TRARG1: variants seen among roughly 807,000 people sequenced by gnomAD.
The protein encoded by TRARG1 is trafficking regulator of GLUT4 (SLC2A4) 1 (gene/pseudogene), also known as trafficking regulator of GLUT4 1.
TRARG1 carries 16 observed loss-of-function variants against 13.3 expected under a neutral mutation model. That is an observed-to-expected ratio of 1.20 (90% confidence interval 0.81 to 1.83). TRARG1 has a LOEUF of 1.83. Ranked by LOEUF, TRARG1 falls within the 40% of genes most tolerant of loss-of-function variation. The pLI is 0.00. For missense variants in TRARG1, 250 were observed against 237.4 expected (o/e 1.05, Z -0.35); for synonymous variants, 113 against 106.2 (o/e 1.06, Z -0.39).
chr17:1,286,897 G>C (rs1328356007), intron 1 of TRARG1, among the ~76,000 whole-genome samples: 1 of 151,812 alleles, frequency 6.6e-6, no homozygotes, highest in African/African-American at 2.4e-5. Context: ...GGTGTGATTT[G>C]CTCCAGCTGT....
chr17:1,282,253 T>C (rs200514044), intron 1 of TRARG1, among the ~76,000 whole-genome samples: 4,542 of 105,284 alleles, frequency 0.043, 402 homozygotes, highest in Middle Eastern at 0.093. Flanking sequence ...CACGTATATG[T>C]ACGTATATGT....
chr17:1,280,911 T>TC (rs892863365), intron 1 of TRARG1, among the ~76,000 whole-genome samples: 18 of 151,964 alleles, frequency 1.2e-4, no homozygotes, highest in African/African-American at 4.1e-4. Flanking sequence ...GGGGCCAGGC[T>TC]CCCCCGAGGG....
Position 1,288,417 on chromosome 17 carries a change from A to G in TRARG1, c.388-7074A>G, listed in dbSNP as rs114084153. Among the ~76,000 whole-genome samples, 176 of 28,460 alleles carry G rather than the reference A, an allele frequency of 6.2e-3. 3 individuals are homozygous for G. Among genetic ancestry groups the G allele is most frequent in the Middle Eastern group, 0.048 (2 of 42 alleles). The allele number at this position is 28,460 out of a possible 152,430, so 18.7% of individuals were successfully genotyped here. A position where few individuals can be genotyped will look rare whatever the true frequency, so the allele number is the denominator to read the frequency against. On this transcript the variant is annotated intron_variant, in intron 1 of 2. Transcript: ENST00000333813. ...CCCCCACAGGTTCCCCAACCCCCAC[A>G]GGTTCCTCATCCCCCACTGGGTTCC...
intron 1 of TRARG1, 110 bp downstream of exon 1, chr17:1,280,498 G>A: frequency 8.1e-7 from 1 of 1,231,800 alleles, no homozygotes; most frequent in Non-Finnish European, 1.1e-6. Flanking sequence ...AGAGAGCTGG[G>A]AGTGGGGGGC....
intron 1 of TRARG1, among the ~76,000 whole-genome samples, chr17:1,282,637 G>A (rs1466447209): frequency 6.6e-6 from 1 of 151,692 alleles, no homozygotes; most frequent in Non-Finnish European, 1.5e-5. Flanking sequence ...CGAAAGGGCT[G>A]GGATTACAGG....
intron 1 of TRARG1, among the ~76,000 whole-genome samples, chr17:1,285,489 G>A (rs1217780244): frequency 6.6e-6 from 1 of 151,290 alleles, no homozygotes; most frequent in Non-Finnish European, 1.5e-5. Context: ...GGTGGATCAC[G>A]AGGTCAGGAG....
At chr17:1,297,163 G>A (rs955533772) in intron 2 of TRARG1, among the ~76,000 whole-genome samples, 38 of 152,108 alleles carry the variant, frequency 2.5e-4, no homozygotes, top group African/African-American at 8.9e-4. Flanking sequence ...ACCTGTGACG[G>A]GATTATCGAG....
In TRARG1 at chr17:1,296,260, G is replaced by A. The variant is rs372328777; in HGVS notation, c.520+637G>A. Reference sequence around the variant, plus strand: ...TGCCCAGGCTGGAGTGCAGTGGTGCGATCTCGGCTCACTGCAACCTCCGCC... The same window carrying A: ...TGCCCAGGCTGGAGTGCAGTGGTGCAATCTCGGCTCACTGCAACCTCCGCC... On this transcript the variant is annotated intron_variant, in intron 2 of 2. Coordinates refer to ENST00000333813, the MANE Select transcript of TRARG1 (RefSeq NM_172367.3). Among the ~76,000 whole-genome samples the A allele has an allele frequency of 6.3e-4, 96 of 152,094 alleles. 1 individual carries two copies. Among genetic ancestry groups the A allele is most frequent in the Non-Finnish European group, 2.9e-4 (20 of 68,014 alleles).
Position 1,280,326 on chromosome 17 carries a change from G to A in TRARG1, c.325G>A (p.Val109Ile), listed in dbSNP as rs763167536. 18 of 1,613,468 alleles carry A rather than the reference G, an allele frequency of 1.1e-5. No homozygotes were observed. Among genetic ancestry groups the A allele is most frequent in the East Asian group, 6.7e-5 (3 of 44,884 alleles). The change falls in exon 1 of 3, where the codon GTC becomes ATC. Residue 109 changes from valine (V) to isoleucine (I), a missense_variant. Val to Ile is a conservative substitution (Grantham distance 29). Coordinates refer to ENST00000333813, the MANE Select transcript of TRARG1 (RefSeq NM_172367.3). ...CCCCAGAGATTACCTCATCCTGGCC[G>A]TCGTCGCCTGCTTCTGCCCCGTCTG... ...EAPRDYLILAVVACFCPVWPL... is the reference protein window; with the variant it reads ...EAPRDYLILAIVACFCPVWPL...
intron 1 of TRARG1, among the ~76,000 whole-genome samples, chr17:1,290,927 C>T (rs1314114803): frequency 6.7e-6 from 1 of 149,692 alleles, no homozygotes; most frequent in East Asian, 2.0e-4. Flanking sequence ...TTTTCTGAGC[C>T]AGAGTTTCGT....
Position 1,279,832 on chromosome 17 carries a change from G to C in TRARG1, c.-170G>C. 2 of 715,996 alleles carry C rather than the reference G, an allele frequency of 2.8e-6. No homozygotes were observed. The highest frequency in any genetic ancestry group is 4.4e-6 in the Non-Finnish European group (2 of 458,442). 44.4% of individuals were successfully genotyped at this position (715,996 alleles called of 1,614,324 possible). On this transcript the variant is annotated 5_prime_UTR_variant, in exon 1 of 3. Coordinates refer to ENST00000333813, the MANE Select transcript of TRARG1 (RefSeq NM_172367.3). ...CCCAGCCTCTGAACTCAGCTGGCTT[G>C]AGAAGCTCAGCCCAACCCTTCCAGC...
chr17:1,298,252 T>C lies in TRARG1; in HGVS notation c.522T>C (p.Val174=), dbSNP rs745540969. ...CATATCTGTTTTTTTTCTTTACAGTTCAGAAGAAATAAACTTAAGCAGGGA... is the reference window on the plus strand; with the variant it reads ...CATATCTGTTTTTTTTCTTTACAGTCCAGAAGAAATAAACTTAAGCAGGGA... ...IMVAVTVNFT[V]QKK The change falls in exon 3 of 3, where the codon GTT becomes GTC. Residue 174 remains valine, a splice_region_variant and synonymous_variant. Transcript: ENST00000333813. 15 of 1,613,618 alleles carry C rather than the reference T, an allele frequency of 9.3e-6. No individual in the cohort carries two copies. Among genetic ancestry groups the C allele is most frequent in the Non-Finnish European group, 1.2e-5 (14 of 1,179,854 alleles).
chr17:1,283,987 C>T (rs1254173316), intron 1 of TRARG1, among the ~76,000 whole-genome samples: 2 of 148,216 alleles, frequency 1.3e-5, no homozygotes, highest in Non-Finnish European at 3.0e-5. Flanking sequence ...TGGCAGTGGG[C>T]GCCTGTAGTC....
At chr17:1,295,659 T>C in intron 2 of TRARG1, 36 bp downstream of exon 2, 1 of 1,591,472 alleles carries the variant, frequency 6.3e-7, no homozygotes, top group Non-Finnish European at 8.5e-7. Context: ...GGAAGCCAGC[T>C]TGCCTGGTGT....
rs2072132478 is a variant in TRARG1 at position 1,298,825 on chromosome 17, A to G, written c.*561A>G. The G allele has an allele frequency of 6.6e-6, 1 of 152,170 alleles. No individual in the cohort carries two copies. The highest frequency in any genetic ancestry group is 1.5e-5 in the Non-Finnish European group (1 of 68,238). 9.4% of individuals were successfully genotyped at this position (152,170 alleles called of 1,614,324 possible). ...GAGCTGTGCTCAGCACAGGCCTGGG[A>G]CCTCCCCCGGCAGGCACCTGTGGGG... is the stretch of plus-strand genomic sequence containing the variant. On this transcript the variant is annotated 3_prime_UTR_variant, in exon 3 of 3. Transcript: ENST00000333813.
chr17:1,282,263 T>TACGTATATGC (rs2071985985), intron 1 of TRARG1, among the ~76,000 whole-genome samples: 1 of 124,042 alleles, frequency 8.1e-6, no homozygotes, highest in Non-Finnish European at 1.6e-5. Flanking sequence ...TACGTATATG[T>TACGTATATGC]ACATATATGC....
chr17:1,282,243 C>T (rs62090197), intron 1 of TRARG1, among the ~76,000 whole-genome samples: 23,986 of 93,322 alleles, frequency 0.26, 4,253 homozygotes, highest in Admixed American at 0.4. Context: ...TACGTATATG[C>T]ACGTATATGT....
At position 1,279,902 on chromosome 17, in the gene TRARG1, C is replaced by A. The variant is rs1317246830; in HGVS notation, c.-100C>A. ...TCCTGAGGGACGCCCCTGCCCCCGA[C>A]CTGGAGGCCCTCAGTCTGGGCTGGG... is the stretch of plus-strand genomic sequence containing the variant. On this transcript the variant is annotated 5_prime_UTR_variant, in exon 1 of 3. Transcript: ENST00000333813. The A allele has an allele frequency of 9.2e-6, 13 of 1,416,944 alleles. No homozygotes were observed. The Admixed American group carries it at 1.6e-4, about 18-fold the overall frequency. 87.8% of individuals were successfully genotyped at this position (1,416,944 alleles called of 1,614,324 possible). A position where few individuals can be genotyped will look rare whatever the true frequency, so the allele number is the denominator to read the frequency against.
At chr17:1,285,925 G>A (rs1483599256) in intron 1 of TRARG1, among the ~76,000 whole-genome samples, 6 of 152,158 alleles carry the variant, frequency 3.9e-5, no homozygotes, top group Non-Finnish European at 7.4e-5. Flanking sequence ...GTCTGAAGGA[G>A]GGAGCGGCCA....
Sources: gnomAD v4.1 joint callset for allele counts (sites outside exome capture counted in the v4.1 genomes callset) on GRCh38, gnomAD v4.1.1 for gene constraint, MANE v1.5 for transcripts, NCBI Gene and HGNC (gene_info 2026-07-23, HGNC 2026-07-21) for gene names.